Variants in TEAD4 observed in about 807,000 individuals in gnomAD.
TEAD4 encodes the protein TEA domain transcription factor 4.
In TEAD4, 36 loss-of-function variants were observed where a neutral mutation model predicts 52.4. The observed-to-expected ratio is 0.69, with a 90% CI of 0.53 to 0.91. The LOEUF (loss-of-function observed/expected upper bound fraction) is 0.91. Ranked by LOEUF, TEAD4 falls within the 40% of genes least tolerant of loss-of-function variation. The pLI, the probability that TEAD4 is intolerant of heterozygous loss-of-function variation, is 0.00. For missense variants in TEAD4, 508 were observed against 583.9 expected (o/e 0.87, Z 1.34); for synonymous variants, 220 against 231.0 (o/e 0.95, Z 0.43).
Position 2,995,086 on chromosome 12 carries a change from T to TG in TEAD4, c.226+95dup. The TG allele has an allele frequency of 2.7e-6, 4 of 1,474,510 alleles. No individual in the cohort carries two copies. In the South Asian group the frequency reaches 5.2e-5, roughly 19 times the overall value. 91.3% of individuals were successfully genotyped at this position (1,474,510 alleles called of 1,614,324 possible). The stretch of plus-strand genomic sequence containing the variant: ...GTTCCTGCCGGGCCACAGAAGGGGA[T>TG]GACCACTTGGGGCTTTGTCGGGTGG... On this transcript the variant is annotated intron_variant, in intron 3 of 12. Transcript: ENST00000359864.
At chr12:2,989,605 A>G (rs1467638143) in intron 2 of TEAD4, among the ~76,000 whole-genome samples, 1 of 151,942 alleles carries the variant, frequency 6.6e-6, no homozygotes, top group Admixed American at 6.6e-5. Context: ...CGCCCAGCTA[A>G]TTTTTGTATT....
At chr12:2,972,376 C>A (rs2098225866) in intron 2 of TEAD4, among the ~76,000 whole-genome samples, 1 of 152,026 alleles carries the variant, frequency 6.6e-6, no homozygotes, top group Non-Finnish European at 1.5e-5. Flanking sequence ...GCCACCATAC[C>A]CGGCCAAGTG....
At chr12:2,975,025 T>G (rs1174074273) in intron 2 of TEAD4, among the ~76,000 whole-genome samples, 1 of 152,168 alleles carries the variant, frequency 6.6e-6, no homozygotes. Flanking sequence ...TCTCAAGTAC[T>G]GTATTTTCAT....
intron 8 of TEAD4, among the ~76,000 whole-genome samples, chr12:3,019,814 T>C (rs1450688249): frequency 6.6e-6 from 1 of 152,106 alleles, no homozygotes; most frequent in Non-Finnish European, 1.5e-5. Flanking sequence ...CTGCCTTCTG[T>C]CCCCCAGGTC....
Position 2,971,905 on chromosome 12 carries a change from C to T in TEAD4, c.-30+11865C>T, listed in dbSNP as rs113567353. ...ACAGCTCACTGCAACCTCCGCCTCC[C>T]GGGTTCAAGTGATTCTCCTGCCTCA... On this transcript the variant is annotated intron_variant, in intron 2 of 12. Coordinates refer to ENST00000359864, the MANE Select transcript of TEAD4 (RefSeq NM_003213.4). Among the ~76,000 whole-genome samples, 117 of 138,350 alleles carry T rather than the reference C, an allele frequency of 8.5e-4. 1 individual carries two copies. The highest frequency in any genetic ancestry group is 3.3e-3 in the African/African-American group (109 of 32,596). 90.8% of individuals were successfully genotyped at this position (138,350 alleles called of 152,430 possible). A position where few individuals can be genotyped will look rare whatever the true frequency, so the allele number is the denominator to read the frequency against.
At chr12:2,966,483 T>C (rs1007282364) in intron 2 of TEAD4, among the ~76,000 whole-genome samples, 7 of 151,650 alleles carry the variant, frequency 4.6e-5, no homozygotes, top group Non-Finnish European at 1.5e-5. Flanking sequence ...TGATCTTGGC[T>C]CACTGCAACC....
intron 10 of TEAD4, among the ~76,000 whole-genome samples, chr12:3,024,640 AG>A (rs1841076884): frequency 1.3e-5 from 2 of 152,280 alleles, no homozygotes; most frequent in East Asian, 3.9e-4. Flanking sequence ...CGGGTGACAG[AG>A]CAAGACCCTG....
intron 2 of TEAD4, among the ~76,000 whole-genome samples, chr12:2,966,403 ATTTCTTTTTC>A (rs991323516): frequency 6.9e-6 from 1 of 144,018 alleles, no homozygotes; most frequent in Non-Finnish European, 1.5e-5. Context: ...TCTGTTTCTC[ATTTCTTTTTC>A]TTTCTTTTTT....
intron 2 of TEAD4, among the ~76,000 whole-genome samples, chr12:2,966,707 GGC>G (rs1565520553): frequency 6.9e-4 from 105 of 151,436 alleles, no homozygotes; most frequent in Admixed American, 1.8e-3. Flanking sequence ...CACCATGCCC[GGC>G]GTATTTCTTT....
intron 2 of TEAD4, among the ~76,000 whole-genome samples, chr12:2,974,922 C>T (rs2098228242): frequency 6.6e-6 from 1 of 152,074 alleles, no homozygotes; most frequent in Non-Finnish European, 1.5e-5. Context: ...TTAGTCACTC[C>T]CGGGCTAAAT....
At chr12:3,010,663 G>A (rs1049230570) in intron 3 of TEAD4, among the ~76,000 whole-genome samples, 7 of 152,236 alleles carry the variant, frequency 4.6e-5, no homozygotes, top group African/African-American at 1.7e-4. Context: ...CCAGGAGAAA[G>A]TGTGGGGAGA....
At chr12:2,988,339 C>T (rs1425779834) in intron 2 of TEAD4, among the ~76,000 whole-genome samples, 1 of 151,692 alleles carries the variant, frequency 6.6e-6, no homozygotes, top group East Asian at 2.0e-4. Context: ...ATGGCGAAAC[C>T]CCGTCCCTAC....
intron 3 of TEAD4, among the ~76,000 whole-genome samples, chr12:3,000,474 C>T (rs1202228786): frequency 6.6e-6 from 1 of 152,096 alleles, no homozygotes; most frequent in Non-Finnish European, 1.5e-5. Flanking sequence ...TTTTCTTCCT[C>T]GGAGACAGCC....
intron 2 of TEAD4, among the ~76,000 whole-genome samples, chr12:2,984,395 G>C (rs146199418): frequency 1.8e-4 from 28 of 152,296 alleles, no homozygotes; most frequent in African/African-American, 6.7e-4. Flanking sequence ...GATGTGCATC[G>C]CTGGAAGCTT....
At chr12:3,022,131 C>A (rs1376589712) in intron 10 of TEAD4, 114 bp downstream of exon 10, 1 of 1,381,602 alleles carries the variant, frequency 7.2e-7, no homozygotes, top group Non-Finnish European at 1.0e-6. Context: ...GGAGGTGGCA[C>A]CAGTGAGAAG....
intron 2 of TEAD4, among the ~76,000 whole-genome samples, chr12:2,976,924 ATCCCAGGCCATC>A (rs1377738333): frequency 6.6e-6 from 1 of 152,136 alleles, no homozygotes; most frequent in Admixed American, 6.5e-5. Context: ...GCTGGCCTGC[ATCCCAGGCCATC>A]TCCATTTACT....
intron 2 of TEAD4, among the ~76,000 whole-genome samples, chr12:2,976,598 C>T (rs2098229890): frequency 6.6e-6 from 1 of 152,230 alleles, no homozygotes; most frequent in African/African-American, 2.4e-5. Context: ...TCACCACTTG[C>T]CTTGACCCAC....
At chr12:2,983,744 G>A (rs1486234685) in intron 2 of TEAD4, among the ~76,000 whole-genome samples, 1 of 152,186 alleles carries the variant, frequency 6.6e-6, no homozygotes. Context: ...TAAGCACAGA[G>A]CAATCTGTTC....
intron 8 of TEAD4, among the ~76,000 whole-genome samples, chr12:3,019,766 C>T (rs1466013042): frequency 6.6e-6 from 1 of 152,192 alleles, no homozygotes; most frequent in African/African-American, 2.4e-5. Flanking sequence ...TCTGCCTGCC[C>T]GGCCCCTTGG....
Sources: allele counts gnomAD v4.1 joint callset (sites outside exome capture counted in the v4.1 genomes callset), GRCh38; gene constraint gnomAD v4.1.1; transcripts MANE v1.5; gene names NCBI Gene and HGNC (gene_info 2026-07-23, HGNC 2026-07-21).